Variants in RBFOX1 observed in about 807,000 individuals in gnomAD.
RBFOX1 encodes RNA binding fox-1 homolog 1.
Under a neutral mutation model 57.7 loss-of-function variants are expected in RBFOX1, and 8 were observed. That is an observed-to-expected ratio of 0.14 (90% CI 0.08 to 0.25). The LOEUF is 0.25. Ranked by LOEUF, RBFOX1 falls within the 10% of genes least tolerant of loss-of-function variation. RBFOX1 has a pLI of 1.00. For synonymous variants in RBFOX1, 326 were observed against 222.4 expected (o/e 1.47, Z -4.15); for missense variants, 611 against 548.5 (o/e 1.11, Z -1.14).
chr16:7,102,805 C>T (rs2062913350), intron 4 of RBFOX1, among the ~76,000 whole-genome samples: 1 of 152,048 alleles, frequency 6.6e-6, no homozygotes. Flanking sequence ...GAAAATCATC[C>T]AACCAGCAAT....
At chr16:7,589,722 A>G (rs1268604642) in intron 7 of RBFOX1, among the ~76,000 whole-genome samples, 13 of 151,830 alleles carry the variant, frequency 8.6e-5, no homozygotes, top group Admixed American at 8.5e-4. Flanking sequence ...GGCCTTATTT[A>G]GAGGAGCATT....
chr16:7,475,940 C>T (rs1265095980), intron 4 of RBFOX1, among the ~76,000 whole-genome samples: 3 of 152,082 alleles, frequency 2.0e-5, no homozygotes, highest in Admixed American at 2.0e-4. Flanking sequence ...GCAGAAGAGC[C>T]AGTAGAGTAA....
chr16:6,117,313 T>C (rs1423319566), intron 1 of RBFOX1, among the ~76,000 whole-genome samples: 1 of 152,236 alleles, frequency 6.6e-6, no homozygotes, highest in Non-Finnish European at 1.5e-5. Flanking sequence ...CAATTACCTT[T>C]AAAACTCAGA....
intron 3 of RBFOX1, among the ~76,000 whole-genome samples, chr16:6,848,946 C>A (rs148224934): frequency 2.9e-3 from 436 of 152,258 alleles, no homozygotes; most frequent in African/African-American, 9.8e-3. Context: ...CTGGGTAATT[C>A]TACCTTGCTT....
intron 2 of RBFOX1, among the ~76,000 whole-genome samples, chr16:5,539,807 C>G (rs538810280): frequency 1.6e-4 from 24 of 152,192 alleles, no homozygotes; most frequent in South Asian, 4.1e-4. Flanking sequence ...GCATTATCAT[C>G]TTGGAAAGTT....
At chr16:5,472,376 A>AG (rs1345539884) in intron 2 of RBFOX1, among the ~76,000 whole-genome samples, 2 of 152,054 alleles carry the variant, frequency 1.3e-5, no homozygotes, top group African/African-American at 4.8e-5. Context: ...TGCAAGAAAG[A>AG]TTATTATTAA....
intron 1 of RBFOX1, among the ~76,000 whole-genome samples, chr16:6,249,231 A>G (rs184928723): frequency 1.3e-5 from 2 of 152,270 alleles, no homozygotes; most frequent in Admixed American, 6.5e-5. Context: ...CAGAAGATGC[A>G]TAGGTTTTGA....
chr16:7,288,193 T>C (rs959501910), intron 4 of RBFOX1, among the ~76,000 whole-genome samples: 1 of 152,128 alleles, frequency 6.6e-6, no homozygotes, highest in Non-Finnish European at 1.5e-5. Flanking sequence ...ACCTCAACCA[T>C]AGTTTGTGAT....
chr16:7,022,020 C>T (rs2039383428), intron 3 of RBFOX1, among the ~76,000 whole-genome samples: 2 of 5,318 alleles, frequency 3.8e-4, no homozygotes, highest in African/African-American at 1.2e-3. Flanking sequence ...CCTTCCCTTC[C>T]CCCTCCCCTT....
intron 3 of RBFOX1, among the ~76,000 whole-genome samples, chr16:6,956,971 A>G (rs2081974273): frequency 6.6e-6 from 1 of 152,202 alleles, no homozygotes; most frequent in African/African-American, 2.4e-5. Flanking sequence ...GAAAGAATTC[A>G]GGGCAAGTCT....
chr16:6,781,953 C>G (rs972056015), intron 3 of RBFOX1, among the ~76,000 whole-genome samples: 1 of 152,054 alleles, frequency 6.6e-6, no homozygotes, highest in Non-Finnish European at 1.5e-5. Context: ...GTTTAGCCTG[C>G]TCTTACTTTT....
intron 12 of RBFOX1, among the ~76,000 whole-genome samples, chr16:7,655,805 C>G (rs1412121866): frequency 6.6e-6 from 1 of 152,104 alleles, no homozygotes; most frequent in Non-Finnish European, 1.5e-5. Context: ...GCAAAAGAAA[C>G]AATAGAGGAA....
chr16:7,569,411 A>G (rs2092531211), intron 5 of RBFOX1, among the ~76,000 whole-genome samples: 2 of 152,084 alleles, frequency 1.3e-5, no homozygotes, highest in African/African-American at 4.8e-5. Context: ...CCCATCTTCA[A>G]AATCAGTAAT....
intron 4 of RBFOX1, among the ~76,000 whole-genome samples, chr16:5,950,720 C>T (rs531598245): frequency 6.6e-6 from 1 of 152,330 alleles, no homozygotes; most frequent in South Asian, 2.1e-4. Flanking sequence ...TTATCAGGCA[C>T]CTACTGGGTA....
intron 5 of RBFOX1, among the ~76,000 whole-genome samples, chr16:7,555,570 C>G (rs570298006): frequency 6.6e-6 from 1 of 152,286 alleles, no homozygotes; most frequent in South Asian, 2.1e-4. Flanking sequence ...TTAGAGCAGA[C>G]TACAAAGACC....
chr16:5,551,084 C>A (rs951965456), intron 2 of RBFOX1, among the ~76,000 whole-genome samples: 4 of 152,170 alleles, frequency 2.6e-5, no homozygotes, highest in African/African-American at 4.8e-5. Context: ...ATGGTTCTTA[C>A]TTGCTGGGAG....
intron 1 of RBFOX1, among the ~76,000 whole-genome samples, chr16:6,133,255 C>T (rs1275849017): frequency 6.6e-6 from 1 of 152,142 alleles, no homozygotes; most frequent in Non-Finnish European, 1.5e-5. Context: ...TGCTCCACTG[C>T]CCTGCAGAGT....
intron 1 of RBFOX1, among the ~76,000 whole-genome samples, chr16:6,053,933 G>A (rs899971837): frequency 2.0e-5 from 3 of 152,038 alleles, no homozygotes; most frequent in South Asian, 2.1e-4. Context: ...GCATGTACCT[G>A]TAGTTCCAGC....
At chr16:7,286,195 C>G (rs1210105902) in intron 4 of RBFOX1, among the ~76,000 whole-genome samples, 1 of 152,130 alleles carries the variant, frequency 6.6e-6, no homozygotes, top group Non-Finnish European at 1.5e-5. Context: ...TTCAGAATGT[C>G]TAGCATGGAG....
Sources: gnomAD v4.1 joint callset for allele counts (sites outside exome capture counted in the v4.1 genomes callset) on GRCh38, gnomAD v4.1.1 for gene constraint, MANE v1.5 for transcripts, NCBI Gene and HGNC (gene_info 2026-07-23, HGNC 2026-07-21) for gene names.